AP2A2: variants seen among roughly 807,000 people sequenced by gnomAD.
AP2A2 encodes AP-2 complex subunit alpha-2.
AP2A2 carries 32 observed loss-of-function variants against 104.2 expected under a neutral mutation model. The ratio of observed to expected loss-of-function variants is 0.31; its 90% CI spans 0.23 to 0.41. The LOEUF (loss-of-function observed/expected upper bound fraction) is 0.41. Ranked by LOEUF, AP2A2 falls within the 10% of genes least tolerant of loss-of-function variation. The pLI, the probability that AP2A2 is intolerant of heterozygous loss-of-function variation, is 1.00. For synonymous variants in AP2A2, 539 were observed against 533.3 expected, an observed-to-expected ratio of 1.01 and a Z score of -0.15; for missense variants, 912 against 1,261.0, an observed-to-expected ratio of 0.72 and a Z score of 4.19.
intron 5 of AP2A2, 118 bp from the exon 6 acceptor site, chr11:981,080 G>A (rs935234218): frequency 1.2e-5 from 9 of 730,834 alleles, no homozygotes; most frequent in African/African-American, 1.1e-4. Context: ...GCCTGAGGCC[G>A]AGGTGGCTGT....
intron 1 of AP2A2, among the ~76,000 whole-genome samples, chr11:939,471 G>A (rs116325525): frequency 0.029 from 4,336 of 151,922 alleles, 212 homozygotes; most frequent in African/African-American, 0.097. Flanking sequence ...TTGAGACGGG[G>A]TTTCGCTCTG....
chr11:1,008,733 C>T (rs1050534472), intron 18 of AP2A2: 26 of 319,498 alleles, frequency 8.1e-5, no homozygotes, highest in African/African-American at 3.8e-4. Context: ...AGATTGTATA[C>T]TGTAGAATTC....
chr11:971,850 A>G (rs1854841295), intron 3 of AP2A2, among the ~76,000 whole-genome samples: 1 of 152,160 alleles, frequency 6.6e-6, no homozygotes, highest in Non-Finnish European at 1.5e-5. Context: ...ACGCTGCGCC[A>G]TGAGAGCATC....
rs1222492558 is a variant in AP2A2, at chr11:968,337, C to T, written c.137-1832C>T. 3.9e-5 allele frequency among the ~76,000 whole-genome samples: 6 copies of T among 152,098 alleles called. No homozygotes were observed. The highest frequency in any genetic ancestry group is 2.0e-4 in the Admixed American group (3 of 15,290). On this transcript the variant is annotated intron_variant, in intron 2 of 21. Coordinates refer to ENST00000448903, the MANE Select transcript of AP2A2 (RefSeq NM_012305.4). The surrounding 1 kb of genome is among the most constrained non-coding windows in gnomAD (Gnocchi z 4.2). The stretch of plus-strand genomic sequence containing the variant: ...AGGTGGGCCTAAGTTTCCCAGCACC[C>T]GGGAGCTCTAGAGCAGCTCTTCGTC...
intron 1 of AP2A2, among the ~76,000 whole-genome samples, chr11:929,564 C>T (rs1273183641): frequency 6.6e-6 from 1 of 152,232 alleles, no homozygotes; most frequent in Admixed American, 6.5e-5. Context: ...AAATTTGCGT[C>T]TTTCTGACCA....
chr11:988,063 C>G (rs1855523286), intron 9 of AP2A2, among the ~76,000 whole-genome samples: 1 of 152,260 alleles, frequency 6.6e-6, no homozygotes, highest in African/African-American at 2.4e-5. Context: ...GTGGTGCCCA[C>G]TCTCCTGCCT....
chr11:946,870 C>T (rs1411372959), intron 1 of AP2A2: 1 of 151,968 alleles, frequency 6.6e-6, no homozygotes, highest in East Asian at 1.9e-4. Context: ...AGGAATGTCT[C>T]AGGCTGGAAT....
chr11:943,185 C>T (rs531279533), intron 1 of AP2A2: 26 of 152,270 alleles, frequency 1.7e-4, no homozygotes, highest in African/African-American at 4.1e-4. Flanking sequence ...TTTATTCGGC[C>T]GGGAGCTTTG....
intron 8 of AP2A2, 38 bp downstream of exon 8, chr11:985,620 A>T (rs200246260): frequency 3.7e-6 from 6 of 1,609,942 alleles, no homozygotes; most frequent in Non-Finnish European, 5.1e-6. Flanking sequence ...CGTCTCGCGC[A>T]CACACACACG....
At chr11:932,926 C>T (rs181092814) in intron 1 of AP2A2, 3 of 345,228 alleles carry the variant, frequency 8.7e-6, no homozygotes, top group African/African-American at 6.5e-5. Context: ...TAGAAGAGTT[C>T]CTGGAAAGGC....
intron 15 of AP2A2, among the ~76,000 whole-genome samples, chr11:1,003,041 G>A (rs928674293): frequency 1.3e-5 from 2 of 152,242 alleles, no homozygotes; most frequent in Non-Finnish European, 2.9e-5. Context: ...TGGAGTTACA[G>A]TTTCCTAGAG....
intron 2 of AP2A2, among the ~76,000 whole-genome samples, chr11:967,502 C>A (rs995378924): frequency 2.0e-5 from 3 of 152,000 alleles, no homozygotes; most frequent in Non-Finnish European, 4.4e-5. Context: ...GCTGGGACTA[C>A]AGGCGCCCGC....
intron 1 of AP2A2, chr11:941,018 C>T (rs2134482053): frequency 2.4e-6 from 1 of 417,704 alleles, no homozygotes; most frequent in South Asian, 1.7e-5. Context: ...CTCCGTGGAG[C>T]TCGGAGCTTT....
intron 1 of AP2A2, among the ~76,000 whole-genome samples, chr11:953,926 C>A (rs930597099): frequency 6.6e-6 from 1 of 151,836 alleles, no homozygotes; most frequent in African/African-American, 2.4e-5. Flanking sequence ...CCTCCGCCTC[C>A]TGGGTTCAAG....
In AP2A2 at chr11:925,966, T is replaced by C. The variant is rs922594162; in HGVS notation, c.-56T>C. 1.5e-6 allele frequency: 2 copies of C among 1,323,956 alleles called. No individual in the cohort carries two copies. The highest frequency in any genetic ancestry group is 1.6e-5 in the South Asian group (1 of 60,960). The allele number at this position is 1,323,956 out of a possible 1,614,324, so 82.0% of individuals were successfully genotyped here. On this transcript the variant is annotated 5_prime_UTR_variant, in exon 1 of 22. Transcript: ENST00000448903. Reference sequence around the variant, plus strand: ...GGCGACCGCACTCCCCGCTTCCCGCTCCCCGCGCTCCTCCGCCCGGGTCCG... The same window carrying C: ...GGCGACCGCACTCCCCGCTTCCCGCCCCCCGCGCTCCTCCGCCCGGGTCCG...
At chr11:969,835 C>T (rs901589172) in intron 2 of AP2A2, among the ~76,000 whole-genome samples, 1 of 152,216 alleles carries the variant, frequency 6.6e-6, no homozygotes, top group Non-Finnish European at 1.5e-5. Context: ...GCAGGGCCCT[C>T]TGTGGGATTT....
chr11:991,501 T>G (rs1052354069), intron 10 of AP2A2, among the ~76,000 whole-genome samples: 2 of 151,766 alleles, frequency 1.3e-5, no homozygotes, highest in Admixed American at 1.3e-4. Context: ...GGGTGGGAGG[T>G]ACCTTAGCAC....
intron 16 of AP2A2, 21 bp downstream of exon 16, chr11:1,003,825 A>G (rs1182565558): frequency 1.3e-6 from 2 of 1,494,694 alleles, no homozygotes; most frequent in East Asian, 2.3e-5. Context: ...TAATTACTTA[A>G]TGAAACTGTC....
At chr11:935,667 G>C (rs1342255470) in intron 1 of AP2A2, among the ~76,000 whole-genome samples, 1 of 139,392 alleles carries the variant, frequency 7.2e-6, no homozygotes, top group Non-Finnish European at 1.5e-5. Context: ...GAGTGCAGTG[G>C]TGTGATCTCG....
Sources: allele counts gnomAD v4.1 joint callset (sites outside exome capture counted in the v4.1 genomes callset), GRCh38; gene constraint gnomAD v4.1.1; non-coding constraint Gnocchi (gnomAD v3.1); transcripts MANE v1.5; gene names NCBI Gene and HGNC (gene_info 2026-07-23, HGNC 2026-07-21).